BRD10: variants seen among roughly 807,000 people sequenced by gnomAD.
BRD10 encodes the protein bromodomain containing 10, also known as uncharacterized bromodomain-containing protein 10.
At chr9:5,930,395 G>A in the BRD10 span, among the ~76,000 whole-genome samples, 5 of 115,018 alleles carry the variant, frequency 4.3e-5, no homozygotes, top group African/African-American at 1.2e-4. Context: ...ATATATATAT[G>A]ACCTTCAAAT....
chr9:5,909,826 T>A, the BRD10 span: 2 of 152,226 alleles, frequency 1.3e-5, no homozygotes, highest in African/African-American at 4.8e-5. Context: ...GATTCTGGAA[T>A]GGTGTCATTA....
the BRD10 span, chr9:5,908,928 G>T: frequency 1.1e-5 from 6 of 540,770 alleles, no homozygotes; most frequent in South Asian, 1.2e-4. Flanking sequence ...ATCAATAAAT[G>T]TTGCAATGCA....
the BRD10 span, chr9:5,969,162 T>C: frequency 2.5e-6 from 4 of 1,613,762 alleles, no homozygotes; most frequent in African/African-American, 1.3e-5. Flanking sequence ...CGATGTAAGG[T>C]AGGTCTGCGA....
chr9:5,884,423 A>C, the BRD10 span, among the ~76,000 whole-genome samples: 1 of 152,148 alleles, frequency 6.6e-6, no homozygotes, highest in African/African-American at 2.4e-5. Flanking sequence ...TTGGAGCTCC[A>C]GCCATATGGA....
chr9:5,958,699 T>A, the BRD10 span, among the ~76,000 whole-genome samples: 1 of 152,190 alleles, frequency 6.6e-6, no homozygotes, highest in Non-Finnish European at 1.5e-5. Flanking sequence ...CTTTCCATGT[T>A]TTAAAATTAT....
chr9:5,969,542 T>TTTTA, the BRD10 span: 9 of 744,926 alleles, frequency 1.2e-5, no homozygotes, highest in African/African-American at 8.9e-5. Context: ...ACTGTCCTAG[T>TTTTA]TTTATTTATT....
chr9:5,949,766 TTC>T, the BRD10 span, among the ~76,000 whole-genome samples: 13 of 152,302 alleles, frequency 8.5e-5, no homozygotes, highest in South Asian at 2.1e-4. Context: ...TCCTGTAACT[TTC>T]TGTCATAATT....
chr9:5,933,032 T>C, the BRD10 span, among the ~76,000 whole-genome samples: 1 of 152,078 alleles, frequency 6.6e-6, no homozygotes, highest in Non-Finnish European at 1.5e-5. Context: ...ATCAGAAAGG[T>C]TCTTAAGACT....
At chr9:5,999,805 C>G in the BRD10 span, among the ~76,000 whole-genome samples, 1 of 151,946 alleles carries the variant, frequency 6.6e-6, no homozygotes, top group Non-Finnish European at 1.5e-5. Flanking sequence ...CTATATCCAT[C>G]TTTGAATCTC....
chr9:5,956,016 C>G, the BRD10 span, among the ~76,000 whole-genome samples: 1 of 152,048 alleles, frequency 6.6e-6, no homozygotes, highest in Non-Finnish European at 1.5e-5. Flanking sequence ...CAAGAAAAAA[C>G]TGAATGATCT....
chr9:5,965,291 G>A, the BRD10 span, among the ~76,000 whole-genome samples: 2 of 150,522 alleles, frequency 1.3e-5, no homozygotes, highest in Admixed American at 6.6e-5. Context: ...ATCATTACTC[G>A]AAAAAAAGCT....
the BRD10 span, among the ~76,000 whole-genome samples, chr9:5,966,743 C>T: frequency 3.3e-5 from 5 of 151,996 alleles, no homozygotes; most frequent in African/African-American, 2.4e-5. Context: ...CAGGTGTAAG[C>T]CACCGTGCCC....
chr9:6,007,121 A>T, the BRD10 span: 1 of 1,475,348 alleles, frequency 6.8e-7, no homozygotes, highest in Non-Finnish European at 9.3e-7. Context: ...CCCCTGGCCC[A>T]GCCCATCCTC....
chr9:5,923,116 T>A, the BRD10 span: 4 of 1,613,882 alleles, frequency 2.5e-6, no homozygotes, highest in East Asian at 8.9e-5. Flanking sequence ...TCTCAACTGT[T>A]GTCTCATTTG....
chr9:5,919,060 T>C, the BRD10 span: 1 of 152,612 alleles, frequency 6.6e-6, no homozygotes, highest in African/African-American at 2.4e-5. Context: ...TTCTTCTGCA[T>C]TGTTGCTAAC....
the BRD10 span, among the ~76,000 whole-genome samples, chr9:5,986,433 T>C: frequency 5.9e-5 from 9 of 152,240 alleles, no homozygotes; most frequent in East Asian, 7.7e-4. Flanking sequence ...GCAATGAACA[T>C]AGGCATGCAC....
At chr9:5,965,950 T>C in the BRD10 span, among the ~76,000 whole-genome samples, 7 of 152,288 alleles carry the variant, frequency 4.6e-5, no homozygotes, top group South Asian at 4.1e-4. Flanking sequence ...TTATGTAACA[T>C]TGTTATATCA....
At chr9:5,995,204 T>C in the BRD10 span, among the ~76,000 whole-genome samples, 2 of 152,204 alleles carry the variant, frequency 1.3e-5, no homozygotes, top group Non-Finnish European at 2.9e-5. Context: ...CCGGCCCAAA[T>C]GCTACCACTA....
At chr9:5,978,756 C>T in the BRD10 span, among the ~76,000 whole-genome samples, 1 of 152,188 alleles carries the variant, frequency 6.6e-6, no homozygotes, top group African/African-American at 2.4e-5. Context: ...CTAGTTGGCA[C>T]CTTTGATACC....
Sources: allele counts gnomAD v4.1 joint callset (sites outside exome capture counted in the v4.1 genomes callset), GRCh38; gene constraint gnomAD v4.1.1; transcripts MANE v1.5; gene names NCBI Gene and HGNC (gene_info 2026-07-23, HGNC 2026-07-21).